AKAP3: variants seen among roughly 807,000 people sequenced by gnomAD.
The protein encoded by AKAP3 is A-kinase anchor protein 3.
AKAP3 carries 27 observed loss-of-function variants against 57.2 expected under a neutral mutation model. That is an observed-to-expected ratio of 0.47 (90% CI 0.35 to 0.65). The LOEUF (loss-of-function observed/expected upper bound fraction) is 0.65, where lower values mean the gene tolerates loss of function less well. Among genes scored for constraint, AKAP3 ranks in the 30% least tolerant of loss-of-function variants. AKAP3 has a pLI of 0.01. For missense variants in AKAP3, 959 were observed against 1,040.0 expected, an observed-to-expected ratio of 0.92 and a Z score of 1.07; for synonymous variants, 334 against 392.3, an observed-to-expected ratio of 0.85 and a Z score of 1.76.
chr12:4,617,662 G>T (rs1052054541), intron 5 of AKAP3, among the ~76,000 whole-genome samples: 1 of 149,928 alleles, frequency 6.7e-6, no homozygotes, highest in African/African-American at 2.5e-5. Context: ...GGAGGCAAGA[G>T]AATTGCTTGA....
intron 4 of AKAP3, among the ~76,000 whole-genome samples, chr12:4,633,632 C>A (rs1053266313): frequency 1.3e-5 from 2 of 151,748 alleles, no homozygotes; most frequent in African/African-American, 4.9e-5. Flanking sequence ...AAGGAAGATG[C>A]CAAATTATCT....
intron 5 of AKAP3, among the ~76,000 whole-genome samples, chr12:4,620,009 G>A (rs1481527370): frequency 2.6e-5 from 4 of 152,200 alleles, no homozygotes; most frequent in Admixed American, 6.5e-5. Context: ...GATAGGGGAT[G>A]AAAACTGGGA....
intron 5 of AKAP3, among the ~76,000 whole-genome samples, chr12:4,617,515 G>A (rs945594092): frequency 6.6e-6 from 1 of 152,250 alleles, no homozygotes; most frequent in African/African-American, 2.4e-5. Context: ...TACTTTGGGA[G>A]GCTGAGGCAG....
intron 4 of AKAP3, among the ~76,000 whole-genome samples, chr12:4,633,421 T>A (rs959605058): frequency 6.6e-6 from 1 of 152,158 alleles, no homozygotes; most frequent in African/African-American, 2.4e-5. Context: ...CTAAAACGTG[T>A]GTGCCTTATG....
chr12:4,638,075 G>C (rs776555161), intron 4 of AKAP3, 26 bp downstream of exon 4: 1 of 1,533,252 alleles, frequency 6.5e-7, no homozygotes. Flanking sequence ...TCTTAACCTA[G>C]TGTTTATCAA....
Position 4,626,988 on chromosome 12 carries a change from G to A in AKAP3, c.1914C>T (p.Pro638=), listed in dbSNP as rs374413843. 9 of 1,614,028 alleles carry A rather than the reference G, an allele frequency of 5.6e-6. No homozygotes were observed. Among genetic ancestry groups the A allele is most frequent in the Non-Finnish European group, 7.6e-6 (9 of 1,179,984 alleles). The change falls in exon 5 of 6, where the codon CCC becomes CCT. Residue 638 remains proline, a synonymous_variant. Transcript: ENST00000228850. ...GGGTCTCATCATCCTCATATAGCCT[G>A]GGGGGAGAAGACGCCAACGGTCTTT... ...LCERPLASSP[P]RLYEDDETPG...
chr12:4,638,241 G>T, intron 3 of AKAP3, 45 bp from the exon 4 acceptor site: 2 of 1,348,744 alleles, frequency 1.5e-6, no homozygotes, highest in Admixed American at 1.9e-5. Flanking sequence ...CACAAGGGCA[G>T]ATTTTATGAA....
chr12:4,636,265 G>A (rs760960358), intron 4 of AKAP3: 221 of 394,202 alleles, frequency 5.6e-4, no homozygotes, highest in Non-Finnish European at 8.8e-4. Flanking sequence ...CCTCAGACGC[G>A]GCAAGCGGAG....
intron 4 of AKAP3, 135 bp downstream of exon 4, chr12:4,637,966 G>T: frequency 1.3e-6 from 1 of 780,582 alleles, no homozygotes; most frequent in Non-Finnish European, 2.2e-6. Flanking sequence ...GTTCTATAAG[G>T]GCTGATTTCC....
chr12:4,643,549 T>C (rs1945661399), intron 2 of AKAP3, among the ~76,000 whole-genome samples: 1 of 152,240 alleles, frequency 6.6e-6, no homozygotes, highest in Admixed American at 6.5e-5. Context: ...GATTAGGATA[T>C]TGAGGCTCAG....
chr12:4,635,898 C>T, intron 4 of AKAP3: 1 of 713,602 alleles, frequency 1.4e-6, no homozygotes, highest in South Asian at 1.5e-5. Context: ...TCTTAGATCT[C>T]TCCATTTTTT....
chr12:4,631,250 TAG>T (rs1337792493), intron 4 of AKAP3: 4 of 669,134 alleles, frequency 6.0e-6, no homozygotes, highest in Non-Finnish European at 1.1e-5. Context: ...TAATGATTTA[TAG>T]AGTTATATTC....
intron 3 of AKAP3, among the ~76,000 whole-genome samples, chr12:4,639,512 G>T (rs918403432): frequency 3.3e-5 from 5 of 151,934 alleles, no homozygotes; most frequent in South Asian, 2.1e-4. Flanking sequence ...GTGCTGTCTT[G>T]GTTTGCTGCC....
Position 4,626,979 on chromosome 12 carries a change from A to C in AKAP3, c.1923T>G (p.Tyr641Ter). 6.2e-7 allele frequency: 1 copy of C among 1,614,090 alleles called. No homozygotes were observed. The highest frequency in any genetic ancestry group is 8.5e-7 in the Non-Finnish European group (1 of 1,180,014). The change falls in exon 5 of 6, where the codon TAT becomes TAG. Residue 641 changes from tyrosine (Y) to a stop codon, truncating the protein, a stop_gained. Coordinates refer to ENST00000228850, the MANE Select transcript of AKAP3 (RefSeq NM_001278309.2). LOFTEE classifies it high-confidence loss of function. ...RPLASSPPRLYEDDETPGALS... is the reference protein window; with the variant it reads ...RPLASSPPRL ...GGGCACCAGGGGTCTCATCATCCTC[A>C]TATAGCCTGGGGGGAGAAGACGCCA...
At position 4,627,736 on chromosome 12, in the gene AKAP3, T is replaced by A. The variant is rs1489770872; in HGVS notation, c.1166A>T (p.Lys389Ile). The A allele has an allele frequency of 6.2e-7, 1 of 1,614,160 alleles. No individual in the cohort carries two copies. Among genetic ancestry groups the A allele is most frequent in the Admixed American group, 1.7e-5 (1 of 60,020 alleles). ...RKLYNVMFAK[K>I]VPEHVRKAQD... ...GGCTTTCCTGACATGCTCAGGGACT[T>A]TCTTGGCAAACATTACATTGTACAG... is the stretch of plus-strand genomic sequence containing the variant. The change falls in exon 5 of 6, where the codon AAA (lysine) becomes ATA (isoleucine). Residue 389 changes from lysine to isoleucine, a missense_variant. Coordinates refer to ENST00000228850, the MANE Select transcript of AKAP3 (RefSeq NM_001278309.2).
intron 5 of AKAP3, among the ~76,000 whole-genome samples, chr12:4,624,912 CA>C (rs11335203): frequency 0.98 from 148,864 of 151,684 alleles, 73,118 homozygotes; most frequent in Middle Eastern, 1. Flanking sequence ...CATTCCAATA[CA>C]AAAAAAGTCT....
At chr12:4,648,661 C>G (rs73041574) in intron 1 of AKAP3, 84 bp downstream of exon 1, 8,499 of 154,532 alleles carry the variant, frequency 0.055, 338 homozygotes, top group Non-Finnish European at 0.078. Flanking sequence ...CTTTTCCCCT[C>G]GTTCTTGTCC....
In AKAP3 at chr12:4,627,847, G is replaced by A. The variant is rs1435146356; in HGVS notation, c.1055C>T (p.Thr352Ile). 1 of 1,614,142 alleles carries A rather than the reference G, an allele frequency of 6.2e-7. No individual in the cohort carries two copies. Among genetic ancestry groups the A allele is most frequent in the Non-Finnish European group, 8.5e-7 (1 of 1,180,038 alleles). Residue 352 changes from threonine (T) to isoleucine (I), a missense_variant, in exon 5 of 6, where the codon ACA becomes ATA. Thr to Ile is a moderately conservative substitution (Grantham distance 89, BLOSUM62 -1). Transcript: ENST00000228850. ...HSVTGTLMTD[T>I]QFVSAVKRTV... ...TCTTTTCACAGCCGAGACAAACTGT[G>A]TGTCAGTCATGAGGGTCCCTGTGAC...
At chr12:4,636,158 G>T in intron 4 of AKAP3, 1 of 663,146 alleles carries the variant, frequency 1.5e-6, no homozygotes, top group Non-Finnish European at 2.7e-6. Flanking sequence ...GCCTCGATTA[G>T]CCATGTTCAC....
Sources: gnomAD v4.1 joint callset for allele counts (sites outside exome capture counted in the v4.1 genomes callset) on GRCh38, gnomAD v4.1.1 for gene constraint, MANE v1.5 for transcripts, NCBI Gene and HGNC (gene_info 2026-07-23, HGNC 2026-07-21) for gene names.